The following STIM1 variants were observed in gnomAD, a reference collection of about 807,000 sequenced individuals.
STIM1 encodes stromal interaction molecule 1.
In STIM1, 25 loss-of-function variants were observed where a neutral mutation model predicts 74.7. The observed-to-expected ratio is 0.33, with a 90% CI of 0.24 to 0.47. STIM1 has a LOEUF of 0.47. STIM1 is among the 20% of genes least tolerant of loss of function. STIM1 has a pLI of 1.00. For synonymous variants in STIM1, 328 were observed against 348.8 expected, an observed-to-expected ratio of 0.94 and a Z score of 0.66; for missense variants, 728 against 920.8, an observed-to-expected ratio of 0.79 and a Z score of 2.71.
intron 2 of STIM1, among the ~76,000 whole-genome samples, chr11:4,014,277 A>T (rs889004174): frequency 2.6e-5 from 4 of 152,188 alleles, no homozygotes; most frequent in Non-Finnish European, 5.9e-5. Context: ...TTCAAAGAAC[A>T]TCTTTATTTC....
chr11:4,091,991 GCCTGCCTGC>G lies in STIM1; in HGVS notation c.*201_*209del, dbSNP rs2094528019. ...TATTATTTATTAACTGACCACCATG[GCCTGCCTGC>G]CCTGCCTCCGTCCCAACCATGGGCT... On this transcript the variant is annotated 3_prime_UTR_variant, in exon 13 of 13. Coordinates refer to ENST00000526596, the MANE Select transcript of STIM1 (RefSeq NM_001382567.1). 2 of 758,264 alleles carry G rather than the reference GCCTGCCTGC, an allele frequency of 2.6e-6. No individual in the cohort carries two copies. The highest frequency in any genetic ancestry group is 2.7e-5 in the East Asian group (1 of 36,632). The allele number at this position is 758,264 out of a possible 1,614,324, so 47.0% of individuals were successfully genotyped here. A position where few individuals can be genotyped will look rare whatever the true frequency, so the allele number is the denominator to read the frequency against.
rs1036952123 is a variant in STIM1, at chr11:3,974,126, C to G, written c.270+6444C>G. ...CATTACCACAGTCTGTGAGTGCTCC[C>G]TGTTGCTCAGAATGGCTCATTGGAC... On this transcript the variant is annotated intron_variant, in intron 2 of 12. Transcript: ENST00000526596. The G allele has an allele frequency of 6.0e-6, 4 of 667,906 alleles. No homozygotes were observed. In the African/African-American group the frequency reaches 7.1e-5, roughly 12 times the overall value. The allele number at this position is 667,906 out of a possible 1,614,324, so 41.4% of individuals were successfully genotyped here.
intron 1 of STIM1, among the ~76,000 whole-genome samples, chr11:3,906,700 C>T (rs911082371): frequency 3.3e-5 from 5 of 152,092 alleles, no homozygotes; most frequent in African/African-American, 9.7e-5. Flanking sequence ...GTCCCTTAGG[C>T]TATAAGCTCC....
chr11:3,923,223 T>C (rs1231665380), intron 1 of STIM1, among the ~76,000 whole-genome samples: 1 of 152,200 alleles, frequency 6.6e-6, no homozygotes, highest in Non-Finnish European at 1.5e-5. Context: ...CCATCTGAAA[T>C]TGATATTTTT....
intron 5 of STIM1, among the ~76,000 whole-genome samples, chr11:4,064,566 C>A (rs1242736477): frequency 6.6e-6 from 1 of 152,094 alleles, no homozygotes; most frequent in Non-Finnish European, 1.5e-5. Context: ...AATAAAAATT[C>A]TGTTATTGGT....
intron 1 of STIM1, chr11:3,903,624 T>C (rs2092401969): frequency 6.6e-6 from 1 of 152,208 alleles, no homozygotes; most frequent in African/African-American, 2.4e-5. Flanking sequence ...GAAATAGCTC[T>C]TGTGGGGTCA....
chr11:3,883,447 C>G (rs1470395566), intron 1 of STIM1, among the ~76,000 whole-genome samples: 1 of 152,146 alleles, frequency 6.6e-6, no homozygotes, highest in African/African-American at 2.4e-5. Flanking sequence ...CCTCTGCCTT[C>G]CGTTCAAGCA....
rs545811989 is a variant in STIM1 at position 3,892,908 on chromosome 11, C to T, written c.139+36499C>T. Reference sequence around the variant, plus strand: ...ACCACGGCTGATAGTACGGGGCTCCCGGCAGCAGCAGCATCTGCAAAGACT... The same window carrying T: ...ACCACGGCTGATAGTACGGGGCTCCTGGCAGCAGCAGCATCTGCAAAGACT... On this transcript the variant is annotated intron_variant, in intron 1 of 12. Coordinates refer to ENST00000526596, the MANE Select transcript of STIM1 (RefSeq NM_001382567.1). 1,041 of 1,348,346 alleles carry T rather than the reference C, an allele frequency of 7.7e-4. 4 individuals carry two copies. Among genetic ancestry groups the T allele is most frequent in the South Asian group, 5.4e-4 (46 of 85,536 alleles). The allele number at this position is 1,348,346 out of a possible 1,614,324, so 83.5% of individuals were successfully genotyped here. A position where few individuals can be genotyped will look rare whatever the true frequency, so the allele number is the denominator to read the frequency against.
intron 7 of STIM1, among the ~76,000 whole-genome samples, chr11:4,077,486 C>T (rs2094443627): frequency 1.3e-5 from 2 of 152,214 alleles, no homozygotes; most frequent in South Asian, 2.1e-4. Flanking sequence ...AAGCCACCAA[C>T]AGCATCCATA....
At chr11:3,920,549 C>T (rs772801913) in intron 1 of STIM1, among the ~76,000 whole-genome samples, 14 of 152,064 alleles carry the variant, frequency 9.2e-5, no homozygotes, top group African/African-American at 2.9e-4. Flanking sequence ...TCCCACAGAC[C>T]TACCAACTGG....
intron 7 of STIM1, among the ~76,000 whole-genome samples, chr11:4,078,477 A>G: frequency 6.6e-6 from 1 of 152,064 alleles, no homozygotes. Context: ...ATGACTGGCA[A>G]TTGACAAATC....
chr11:3,992,648 G>A (rs1315787013), intron 2 of STIM1, among the ~76,000 whole-genome samples: 1 of 151,970 alleles, frequency 6.6e-6, no homozygotes, highest in Non-Finnish European at 1.5e-5. Context: ...TTTTTTTGCT[G>A]TTGTTTCTGC....
intron 1 of STIM1, among the ~76,000 whole-genome samples, chr11:3,901,991 C>T (rs2135438115): frequency 6.6e-6 from 1 of 152,302 alleles, no homozygotes; most frequent in Non-Finnish European, 1.5e-5. Context: ...TGGTCTCGAA[C>T]TCGTGAGCTC....
intron 1 of STIM1, among the ~76,000 whole-genome samples, chr11:3,938,562 T>C (rs1293788536): frequency 1.3e-5 from 2 of 152,126 alleles, no homozygotes; most frequent in African/African-American, 4.8e-5. Flanking sequence ...AAATGACAGT[T>C]TAAGGCTGGG....
At chr11:3,923,852 G>T (rs1483774919) in intron 1 of STIM1, among the ~76,000 whole-genome samples, 1 of 152,072 alleles carries the variant, frequency 6.6e-6, no homozygotes, top group Non-Finnish European at 1.5e-5. Flanking sequence ...GTGAATTTTA[G>T]AACTGGTTTG....
intron 1 of STIM1, among the ~76,000 whole-genome samples, chr11:3,947,002 G>A (rs535766436): frequency 4.6e-5 from 7 of 152,052 alleles, no homozygotes; most frequent in Non-Finnish European, 1.0e-4. Flanking sequence ...TTCTCTTTTG[G>A]GGGGGTCTTA....
chr11:3,910,818 TAAA>T (rs1172492077), intron 1 of STIM1, among the ~76,000 whole-genome samples: 2 of 126,560 alleles, frequency 1.6e-5, no homozygotes, highest in Non-Finnish European at 1.7e-5. Flanking sequence ...CTGTCTCTAC[TAAA>T]AAAAAAAAAA....
intron 1 of STIM1, among the ~76,000 whole-genome samples, chr11:3,891,241 T>C (rs2091885724): frequency 6.6e-6 from 1 of 152,158 alleles, no homozygotes; most frequent in Admixed American, 6.6e-5. Context: ...TTTCATGTTC[T>C]AATTCCAAAC....
intron 1 of STIM1, among the ~76,000 whole-genome samples, chr11:3,872,975 A>G (rs61899398): frequency 0.69 from 101,966 of 147,808 alleles, 35,151 homozygotes; most frequent in African/African-American, 0.78. Context: ...TTGAGACAGA[A>G]TCTCACTGTG....
Sources: gnomAD v4.1 joint callset for allele counts (sites outside exome capture counted in the v4.1 genomes callset) on GRCh38, gnomAD v4.1.1 for gene constraint, MANE v1.5 for transcripts, NCBI Gene and HGNC (gene_info 2026-07-23, HGNC 2026-07-21) for gene names.